The following PKP4 variants were observed in gnomAD, a reference collection of about 807,000 sequenced individuals.
PKP4 encodes plakophilin 4.
PKP4 carries 90 observed loss-of-function variants against 145.1 expected under a neutral mutation model. The ratio of observed to expected loss-of-function variants is 0.62; its 90% CI spans 0.52 to 0.74. The LOEUF (loss-of-function observed/expected upper bound fraction) is 0.74, where lower values mean the gene tolerates loss of function less well. Among genes scored for constraint, PKP4 ranks in the 30% least tolerant of loss-of-function variants. The pLI, the probability that PKP4 is intolerant of heterozygous loss-of-function variation, is 0.00. For synonymous variants in PKP4, 563 were observed against 577.2 expected (o/e 0.98, Z 0.35); for missense variants, 1,340 against 1,482.7 (o/e 0.90, Z 1.58).
At chr2:158,654,303 A>G (rs2055695499) in intron 11 of PKP4, among the ~76,000 whole-genome samples, 1 of 152,206 alleles carries the variant, frequency 6.6e-6, no homozygotes, top group South Asian at 2.1e-4. Context: ...CTTAGCAAAA[A>G]TAGAACCTTT....
intron 4 of PKP4, among the ~76,000 whole-genome samples, chr2:158,617,150 A>G (rs2051711585): frequency 6.6e-6 from 1 of 152,222 alleles, no homozygotes; most frequent in African/African-American, 2.4e-5. Context: ...TAATAAGACA[A>G]GAAAGTCCAT....
chr2:158,589,182 G>A (rs1178007452), intron 3 of PKP4, among the ~76,000 whole-genome samples: 2 of 152,052 alleles, frequency 1.3e-5, no homozygotes, highest in Non-Finnish European at 2.9e-5. Flanking sequence ...GTAATTTGCA[G>A]TTTGATAGTA....
Position 158,661,383 on chromosome 2 carries a change from A to C in PKP4, c.2144A>C (p.Glu715Ala), listed in dbSNP as rs1279108515. The change falls in exon 13 of 22, where the codon GAG becomes GCG. Residue 715 changes from glutamate to alanine, a missense_variant. Transcript: ENST00000389759. ...GCTCGGAAGCAAATGCGGTCCTGCG[A>C]GGGGCTGGTAGACTCACTGTTGTAT... ...EEARKQMRSC[E>A]GLVDSLLYVI... 3.1e-6 allele frequency: 5 copies of C among 1,613,830 alleles called. No individual in the cohort carries two copies. In the African/African-American group the frequency reaches 6.7e-5, roughly 22 times the overall value.
chr2:158,649,452 A>G (rs901252030), intron 11 of PKP4, among the ~76,000 whole-genome samples: 1 of 152,262 alleles, frequency 6.6e-6, no homozygotes, highest in Non-Finnish European at 1.5e-5. Flanking sequence ...ACCCAGGACC[A>G]TAGAGAAATA....
At chr2:158,488,779 C>G (rs929323395) in intron 1 of PKP4, among the ~76,000 whole-genome samples, 2 of 151,972 alleles carry the variant, frequency 1.3e-5, no homozygotes, top group Non-Finnish European at 2.9e-5. Flanking sequence ...TCAGTGTTAC[C>G]AAGGATTATC....
rs2053405596 is a variant in PKP4 at position 158,631,953 on chromosome 2, C to G, written c.1342+12C>G. The G allele has an allele frequency of 1.9e-6, 3 of 1,611,560 alleles. No individual in the cohort carries two copies. Among genetic ancestry groups the G allele is most frequent in the South Asian group, 1.1e-5 (1 of 91,012 alleles). ...TCGCACAGGTTCAGGTGGGCATCAA[C>G]TCTGTTTACTGGTTTCCTGATTTCA... is the stretch of plus-strand genomic sequence containing the variant. On this transcript the variant is annotated intron_variant, in intron 8 of 21. Coordinates refer to ENST00000389759, the MANE Select transcript of PKP4 (RefSeq NM_003628.6).
intron 1 of PKP4, among the ~76,000 whole-genome samples, chr2:158,476,154 G>C (rs1038732990): frequency 2.6e-5 from 4 of 152,018 alleles, no homozygotes; most frequent in African/African-American, 9.7e-5. Context: ...AAATCATTGG[G>C]GTGTGTTGTA....
At chr2:158,577,032 A>G (rs2047913310) in intron 2 of PKP4, among the ~76,000 whole-genome samples, 1 of 152,184 alleles carries the variant, frequency 6.6e-6, no homozygotes. Flanking sequence ...GAAAAGGCAA[A>G]TAAAGATCTA....
chr2:158,480,985 T>C (rs1388106251), intron 1 of PKP4, among the ~76,000 whole-genome samples: 2 of 152,266 alleles, frequency 1.3e-5, no homozygotes, highest in Admixed American at 1.3e-4. Context: ...CATGTCCTTT[T>C]GTGTCTCACT....
chr2:158,580,043 T>C (rs143114746), intron 3 of PKP4, among the ~76,000 whole-genome samples: 1 of 152,246 alleles, frequency 6.6e-6, no homozygotes, highest in Admixed American at 6.5e-5. Context: ...TTTTGCAGAA[T>C]CTGTAGCATT....
intron 1 of PKP4, among the ~76,000 whole-genome samples, chr2:158,520,003 G>T (rs188429962): frequency 6.6e-6 from 1 of 152,042 alleles, no homozygotes; most frequent in African/African-American, 2.4e-5. Context: ...AAATGAACCC[G>T]TAGTACTTTT....
chr2:158,480,978 G>T (rs1458251832), intron 1 of PKP4, among the ~76,000 whole-genome samples: 1 of 152,154 alleles, frequency 6.6e-6, no homozygotes, highest in African/African-American at 2.4e-5. Context: ...TGTAGTACAT[G>T]TCCTTTTGTG....
At chr2:158,649,970 A>G (rs2055200738) in intron 11 of PKP4, among the ~76,000 whole-genome samples, 1 of 152,238 alleles carries the variant, frequency 6.6e-6, no homozygotes, top group African/African-American at 2.4e-5. Context: ...CAGATGAGCA[A>G]GTGTGTTCCT....
chr2:158,566,509 T>G (rs1231371820), intron 2 of PKP4, among the ~76,000 whole-genome samples: 1 of 152,134 alleles, frequency 6.6e-6, no homozygotes, highest in Admixed American at 6.5e-5. Context: ...AAATTGTTCA[T>G]GTTAAGTCAT....
At chr2:158,525,775 G>A (rs968640944) in intron 1 of PKP4, among the ~76,000 whole-genome samples, 6 of 146,040 alleles carry the variant, frequency 4.1e-5, no homozygotes, top group African/African-American at 1.3e-4. Context: ...GAATCAAATA[G>A]ACACAATAAA....
rs1288867410 is a variant in PKP4, at chr2:158,640,610, A to C, written c.1563-17A>C. ...AACATGGGCCTTCCTTTCTGAAGCC[A>C]TGTTTTTCTCATGTAGGGAGTTTGC... On this transcript the variant is annotated splice_polypyrimidine_tract_variant and intron_variant, in intron 9 of 21. Coordinates refer to ENST00000389759, the MANE Select transcript of PKP4 (RefSeq NM_003628.6). 6.2e-7 allele frequency: 1 copy of C among 1,610,700 alleles called. No individual in the cohort carries two copies. The highest frequency in any genetic ancestry group is 1.3e-5 in the African/African-American group (1 of 74,698).
At chr2:158,472,382 G>A (rs1415335235) in intron 1 of PKP4, among the ~76,000 whole-genome samples, 2 of 152,044 alleles carry the variant, frequency 1.3e-5, no homozygotes, top group African/African-American at 4.8e-5. Flanking sequence ...GGCCGAGGCG[G>A]GCAGATCATG....
chr2:158,619,930 GAC>G (rs772164888), intron 4 of PKP4, among the ~76,000 whole-genome samples: 3 of 150,572 alleles, frequency 2.0e-5, no homozygotes, highest in Admixed American at 6.6e-5. Flanking sequence ...CATTCCCCCA[GAC>G]ACACACACAC....
At chr2:158,545,321 G>GTTCC (rs1015418758) in intron 2 of PKP4, among the ~76,000 whole-genome samples, 4 of 151,950 alleles carry the variant, frequency 2.6e-5, no homozygotes, top group Non-Finnish European at 4.4e-5. Context: ...CAGCAGCAGT[G>GTTCC]TTCCCTTTTG....
Sources: gnomAD v4.1 joint callset for allele counts (sites outside exome capture counted in the v4.1 genomes callset) on GRCh38, gnomAD v4.1.1 for gene constraint, MANE v1.5 for transcripts, NCBI Gene and HGNC (gene_info 2026-07-23, HGNC 2026-07-21) for gene names.